COL5A1: variants seen among roughly 807,000 people sequenced by gnomAD.
COL5A1 encodes the protein collagen alpha-1(V) chain.
A neutral mutation model predicts 263.7 loss-of-function variants in COL5A1; 16 were observed. The ratio of observed to expected loss-of-function variants is 0.06; its 90% CI spans 0.04 to 0.09. The LOEUF (loss-of-function observed/expected upper bound fraction) is 0.09. Among genes scored for constraint, COL5A1 ranks in the 10% least tolerant of loss-of-function variants. The pLI is 1.00. For synonymous variants in COL5A1, 1,012 were observed against 1,004.5 expected (o/e 1.01, Z -0.14); for missense variants, 2,036 against 2,540.5 (o/e 0.80, Z 4.27).
chr9:134,782,733 G>A lies in COL5A1; in HGVS notation c.2484+13G>A. 1 of 1,613,988 alleles carries A rather than the reference G, an allele frequency of 6.2e-7. No homozygotes were observed. Among genetic ancestry groups the A allele is most frequent in the Non-Finnish European group, 8.5e-7 (1 of 1,179,908 alleles). On this transcript the variant is annotated intron_variant, in intron 29 of 65. Coordinates refer to ENST00000371817, the MANE Select transcript of COL5A1 (RefSeq NM_000093.5). ...CAAGGGTGATCGGGTGAGCATCTCA[G>A]GTTTGGGATTTGGGCTGGGGAAAGC...
chr9:134,774,940 C>A (rs201713424), intron 27 of COL5A1, 28 bp downstream of exon 27: 16 of 1,608,582 alleles, frequency 9.9e-6, no homozygotes, highest in South Asian at 2.2e-5. Flanking sequence ...CACTCCAGGT[C>A]GTCCTGGAGG....
intron 63 of COL5A1, 76 bp from the exon 64 acceptor site, chr9:134,829,900 G>A: frequency 6.7e-7 from 1 of 1,496,432 alleles, no homozygotes; most frequent in Non-Finnish European, 9.1e-7. Flanking sequence ...AAAGCCTGGG[G>A]CCTTGCTCTG....
chr9:134,761,150 A>G (rs1836417097), intron 18 of COL5A1, among the ~76,000 whole-genome samples: 1 of 140,926 alleles, frequency 7.1e-6, no homozygotes, highest in African/African-American at 2.8e-5. Flanking sequence ...CATACACGCC[A>G]CGCACACGCA....
At chr9:134,786,257 C>T (rs770227356) in intron 31 of COL5A1, among the ~76,000 whole-genome samples, 2 of 152,192 alleles carry the variant, frequency 1.3e-5, no homozygotes, top group African/African-American at 2.4e-5. Flanking sequence ...TTAGGTGTCC[C>T]GGGACAGGTG....
chr9:134,748,330 C>T (rs1216244369), intron 11 of COL5A1, among the ~76,000 whole-genome samples: 3 of 152,098 alleles, frequency 2.0e-5, no homozygotes, highest in Non-Finnish European at 4.4e-5. Flanking sequence ...TACATGCACA[C>T]ACATGCATTC....
At chr9:134,705,603 C>T (rs139251256) in intron 4 of COL5A1, among the ~76,000 whole-genome samples, 1 of 152,372 alleles carries the variant, frequency 6.6e-6, no homozygotes, top group Non-Finnish European at 1.5e-5. Context: ...AGGGCCAACG[C>T]TGTCGGATTT....
intron 63 of COL5A1, 44 bp from the exon 64 acceptor site, chr9:134,829,932 T>C (rs779678920): frequency 6.3e-7 from 1 of 1,588,198 alleles, no homozygotes; most frequent in Non-Finnish European, 8.6e-7. Flanking sequence ...AGTAACCCTT[T>C]TGTTCTGTTT....
intron 35 of COL5A1, 132 bp downstream of exon 35, chr9:134,796,550 A>G (rs183876803): frequency 2.1e-6 from 2 of 971,386 alleles, no homozygotes; most frequent in Admixed American, 4.0e-5. Flanking sequence ...GGGTTTTCCT[A>G]AGATCCCAAG....
chr9:134,646,603 C>T (rs1831482990), intron 1 of COL5A1, among the ~76,000 whole-genome samples: 1 of 152,190 alleles, frequency 6.6e-6, no homozygotes, highest in South Asian at 2.1e-4. Flanking sequence ...GTGGCAGATC[C>T]TGGCAGCTTC....
At chr9:134,801,421 C>T (rs998477770) in intron 37 of COL5A1, among the ~76,000 whole-genome samples, 2 of 152,196 alleles carry the variant, frequency 1.3e-5, no homozygotes, top group African/African-American at 2.4e-5. Flanking sequence ...ATGATAAAGG[C>T]GAATCGCGTC....
chr9:134,791,865 A>G (rs935107033), intron 32 of COL5A1, among the ~76,000 whole-genome samples: 3 of 152,176 alleles, frequency 2.0e-5, no homozygotes, highest in Non-Finnish European at 4.4e-5. Flanking sequence ...GTCAAAGCAG[A>G]CATCCCTCTG....
intron 26 of COL5A1, among the ~76,000 whole-genome samples, chr9:134,774,073 A>G (rs1413283644): frequency 3.3e-5 from 5 of 152,248 alleles, no homozygotes; most frequent in Admixed American, 3.3e-4. Context: ...CTTGGAGCCC[A>G]CAGCACAGGC....
intron 42 of COL5A1, among the ~76,000 whole-genome samples, chr9:134,807,168 A>T (rs1838324666): frequency 1.3e-5 from 2 of 152,326 alleles, no homozygotes; most frequent in South Asian, 4.1e-4. Context: ...GACCAATTTA[A>T]TCTCAACTTC....
chr9:134,745,576 C>T (rs577379983), intron 11 of COL5A1, among the ~76,000 whole-genome samples: 62 of 152,260 alleles, frequency 4.1e-4, no homozygotes, highest in African/African-American at 1.3e-3. Context: ...AGGCATCAGG[C>T]TTCTTGATAG....
chr9:134,795,589 C>T (rs771367253), intron 34 of COL5A1, among the ~76,000 whole-genome samples: 12 of 152,180 alleles, frequency 7.9e-5, no homozygotes, highest in East Asian at 7.7e-4. Context: ...ACCCCAAAGA[C>T]GGCAGCAGGG....
intron 25 of COL5A1, among the ~76,000 whole-genome samples, chr9:134,769,973 G>A (rs1404513430): frequency 1.3e-5 from 2 of 152,170 alleles, no homozygotes; most frequent in Non-Finnish European, 2.9e-5. Flanking sequence ...GGTCCCTAAA[G>A]AGCCTGCAGT....
intron 64 of COL5A1, 66 bp from the exon 65 acceptor site, chr9:134,834,905 G>A (rs946264947): frequency 9.7e-6 from 11 of 1,134,180 alleles, no homozygotes; most frequent in East Asian, 2.5e-5. Flanking sequence ...AGGGCAGTGC[G>A]GACGTGGGGC....
chr9:134,702,013 C>T (rs892262454), intron 4 of COL5A1, among the ~76,000 whole-genome samples: 6 of 152,204 alleles, frequency 3.9e-5, no homozygotes, highest in African/African-American at 1.4e-4. Flanking sequence ...CCAGTGATCC[C>T]CAGCTGCCCC....
At chr9:134,646,952 T>A (rs1831495770) in intron 1 of COL5A1, among the ~76,000 whole-genome samples, 1 of 152,196 alleles carries the variant, frequency 6.6e-6, no homozygotes, top group Non-Finnish European at 1.5e-5. Context: ...GAGAACCACA[T>A]TTCTTGCTTT....
Sources: allele counts gnomAD v4.1 joint callset (sites outside exome capture counted in the v4.1 genomes callset), GRCh38; gene constraint gnomAD v4.1.1; transcripts MANE v1.5; gene names NCBI Gene and HGNC (gene_info 2026-07-23, HGNC 2026-07-21).